Variants in ARHGAP28 observed in about 807,000 individuals in gnomAD.
The protein encoded by ARHGAP28 is rho GTPase-activating protein 28.
ARHGAP28 carries 56 observed loss-of-function variants against 90.7 expected under a neutral mutation model. The ratio of observed to expected loss-of-function variants is 0.62; its 90% CI spans 0.50 to 0.77. The LOEUF (loss-of-function observed/expected upper bound fraction) is 0.77. Ranked by LOEUF, ARHGAP28 falls within the 30% of genes least tolerant of loss-of-function variation. The pLI, the probability that ARHGAP28 is intolerant of heterozygous loss-of-function variation, is 0.00. For missense variants in ARHGAP28, 869 were observed against 900.9 expected (o/e 0.96, Z 0.45); for synonymous variants, 308 against 323.3 (o/e 0.95, Z 0.51).
chr18:6,899,690 T>A (rs2057328159), intron 16 of ARHGAP28, among the ~76,000 whole-genome samples: 1 of 152,114 alleles, frequency 6.6e-6, no homozygotes, highest in South Asian at 2.1e-4. Flanking sequence ...AGTTTTCACC[T>A]TCACCCAGCA....
chr18:6,823,784 T>C (rs1358063059), intron 1 of ARHGAP28, among the ~76,000 whole-genome samples: 2 of 152,166 alleles, frequency 1.3e-5, no homozygotes, highest in Admixed American at 6.5e-5. Flanking sequence ...TCTTGCTCTG[T>C]TGCCCAGGCT....
rs1244717204 is a variant in ARHGAP28, at chr18:6,755,027, ACTGTAATCCCAGCTACTTGT to A, written c.122+25104_122+25123del. 3.3e-5 allele frequency among the ~76,000 whole-genome samples: 5 copies of A among 152,140 alleles called. No individual in the cohort carries two copies. The East Asian group carries it at 7.8e-4, about 24-fold the overall frequency. The stretch of plus-strand genomic sequence containing the variant: ...GCTAGGTGTGGTGGTACACCTAGCT[ACTGTAATCCCAGCTACTTGT>A]CTGTAATCCCAGCTACTTGGGAAGC... On this transcript the variant is annotated intron_variant, in intron 1 of 17. Coordinates refer to ENST00000383472, the MANE Select transcript of ARHGAP28 (RefSeq NM_001366230.1).
intron 1 of ARHGAP28, among the ~76,000 whole-genome samples, chr18:6,748,081 A>C (rs377721354): frequency 1.2e-3 from 180 of 152,358 alleles, no homozygotes; most frequent in Middle Eastern, 3.4e-3. Context: ...GCTCATGGCC[A>C]CAGGTGCTGT....
intron 9 of ARHGAP28, 82 bp from the exon 10 acceptor site, chr18:6,876,049 A>T: frequency 8.9e-7 from 1 of 1,125,974 alleles, no homozygotes; most frequent in Non-Finnish European, 1.3e-6. Flanking sequence ...TAACTTATTG[A>T]TTCATGTCAT....
intron 14 of ARHGAP28, among the ~76,000 whole-genome samples, chr18:6,893,935 C>T (rs1443356745): frequency 4.2e-5 from 6 of 144,316 alleles, no homozygotes; most frequent in African/African-American, 1.5e-4. Flanking sequence ...GGCGCGATCT[C>T]GGCTCGCTGC....
chr18:6,783,597 G>A (rs1040231843), intron 1 of ARHGAP28, among the ~76,000 whole-genome samples: 4 of 152,008 alleles, frequency 2.6e-5, no homozygotes, highest in African/African-American at 4.8e-5. Context: ...CACCATGACC[G>A]GCCTGGGTAT....
At chr18:6,910,524 TC>T (rs1334226839) in intron 17 of ARHGAP28, among the ~76,000 whole-genome samples, 2 of 151,946 alleles carry the variant, frequency 1.3e-5, no homozygotes, top group African/African-American at 2.4e-5. Context: ...CAGGATGCCC[TC>T]CCCCCAGACA....
At chr18:6,740,333 G>A (rs748910876) in intron 1 of ARHGAP28, among the ~76,000 whole-genome samples, 3 of 152,088 alleles carry the variant, frequency 2.0e-5, no homozygotes, top group Non-Finnish European at 2.9e-5. Flanking sequence ...GTTCTAAATC[G>A]TGCTCAAAAA....
intron 9 of ARHGAP28, chr18:6,875,061 A>G (rs1489946935): frequency 6.6e-6 from 1 of 152,204 alleles, no homozygotes; most frequent in Admixed American, 6.5e-5. Flanking sequence ...TTTGTCCTGT[A>G]TGTAAAGGAC....
At chr18:6,753,285 A>C (rs1265616661) in intron 1 of ARHGAP28, among the ~76,000 whole-genome samples, 4 of 152,238 alleles carry the variant, frequency 2.6e-5, no homozygotes. Context: ...TTAGTTTGAG[A>C]TGAGAGCCAC....
At chr18:6,775,864 GC>G (rs1185201070) in intron 1 of ARHGAP28, among the ~76,000 whole-genome samples, 1 of 152,126 alleles carries the variant, frequency 6.6e-6, no homozygotes, top group Non-Finnish European at 1.5e-5. Flanking sequence ...TAAACTCTGA[GC>G]CAAGGGATTA....
At chr18:6,850,029 A>G (rs1180743202) in intron 3 of ARHGAP28, among the ~76,000 whole-genome samples, 1 of 152,098 alleles carries the variant, frequency 6.6e-6, no homozygotes. Context: ...GTATGCTAGT[A>G]GATTTTGCCT....
At chr18:6,745,274 A>G (rs1474142533) in intron 1 of ARHGAP28, among the ~76,000 whole-genome samples, 3 of 152,118 alleles carry the variant, frequency 2.0e-5, no homozygotes, top group Non-Finnish European at 4.4e-5. Context: ...TGGGAAGAAA[A>G]TGGGCTTAGA....
intron 1 of ARHGAP28, among the ~76,000 whole-genome samples, chr18:6,804,715 C>T (rs1003000945): frequency 2.0e-5 from 3 of 152,154 alleles, no homozygotes; most frequent in Middle Eastern, 3.4e-3. Flanking sequence ...CAGGATTTTC[C>T]AGATATCTTT....
chr18:6,909,902 A>C (rs2057386884), intron 17 of ARHGAP28, among the ~76,000 whole-genome samples: 1 of 152,092 alleles, frequency 6.6e-6, no homozygotes, highest in Non-Finnish European at 1.5e-5. Flanking sequence ...TCCCAACTGT[A>C]GCATTTCCAT....
Position 6,868,253 on chromosome 18 carries a change from G to T in ARHGAP28, c.811+19G>T. On this transcript the variant is annotated intron_variant, in intron 6 of 17. Coordinates refer to ENST00000383472, the MANE Select transcript of ARHGAP28 (RefSeq NM_001366230.1). ...ATAAGTGGTGAGCGGCATGCCTCCT[G>T]TTGAACTTCAGCTGTGTCTTCTCGC... 1 of 1,609,098 alleles carries T rather than the reference G, an allele frequency of 6.2e-7. No individual in the cohort carries two copies. Among genetic ancestry groups the T allele is most frequent in the East Asian group, 2.2e-5 (1 of 44,870 alleles).
At chr18:6,811,229 T>C (rs932984728) in intron 1 of ARHGAP28, among the ~76,000 whole-genome samples, 7 of 152,178 alleles carry the variant, frequency 4.6e-5, no homozygotes, top group Non-Finnish European at 2.9e-5. Context: ...TTGCCAACTT[T>C]CTACAAACTT....
At chr18:6,787,360 T>C (rs1409074666) in intron 1 of ARHGAP28, among the ~76,000 whole-genome samples, 4 of 152,116 alleles carry the variant, frequency 2.6e-5, no homozygotes, top group Non-Finnish European at 4.4e-5. Flanking sequence ...TTATTTACTT[T>C]TCCTTTATAC....
chr18:6,913,500 C>G lies in ARHGAP28; in HGVS notation c.*1346C>G, dbSNP rs534641940. On this transcript the variant is annotated 3_prime_UTR_variant, in exon 18 of 18. Transcript: ENST00000383472. ...TGGTTTTAATGAGACCCAAATGACT[C>G]TCTCTTAACAATTCAAGCAGTAGAC... 2.0e-5 allele frequency: 3 copies of G among 152,202 alleles called. No homozygotes were observed. Among genetic ancestry groups the G allele is most frequent in the African/African-American group, 7.2e-5 (3 of 41,520 alleles). The allele number at this position is 152,202 out of a possible 1,614,324, so 9.4% of individuals were successfully genotyped here. A position where few individuals can be genotyped will look rare whatever the true frequency, so the allele number is the denominator to read the frequency against.
Sources: gnomAD v4.1 joint callset for allele counts (sites outside exome capture counted in the v4.1 genomes callset) on GRCh38, gnomAD v4.1.1 for gene constraint, MANE v1.5 for transcripts, NCBI Gene and HGNC (gene_info 2026-07-23, HGNC 2026-07-21) for gene names.